Variants in OR9Q1 observed in about 807,000 individuals in gnomAD.
The protein encoded by OR9Q1 is olfactory receptor family 9 subfamily Q member 1, also known as olfactory receptor 9Q1.
For missense variants in OR9Q1, 374 were observed against 378.8 expected, an observed-to-expected ratio of 0.99 and a Z score of 0.11; for synonymous variants, 153 against 148.6, an observed-to-expected ratio of 1.03 and a Z score of -0.22.
Position 58,180,344 on chromosome 11 carries a change from G to A in OR9Q1, c.900G>A (p.Leu300=). 6.3e-7 allele frequency: 1 copy of A among 1,597,448 alleles called. No homozygotes were observed. Among genetic ancestry groups the A allele is most frequent in the Non-Finnish European group, 8.5e-7 (1 of 1,170,250 alleles). The change falls in exon 3 of 3, where the codon CTG becomes CTA. Residue 300 remains leucine (L), a synonymous_variant. Transcript: ENST00000335397. ...GGAACAAGGAAGTGAAGGAGGCCCT[G>A]AGAAAAATTCTCAATAGAGCCAAGT... ...SLRNKEVKEA[L]RKILNRAKLS
At chr11:58,090,542 T>C (rs1164157694) in intron 2 of OR9Q1, among the ~76,000 whole-genome samples, 2 of 152,190 alleles carry the variant, frequency 1.3e-5, no homozygotes, top group African/African-American at 4.8e-5. Flanking sequence ...CTGGATTTGG[T>C]TTGCCAGTAT....
intron 2 of OR9Q1, among the ~76,000 whole-genome samples, chr11:58,099,067 G>A (rs1853758869): frequency 6.6e-6 from 1 of 151,802 alleles, no homozygotes; most frequent in Admixed American, 6.6e-5. Flanking sequence ...TCAATCCTTT[G>A]TGATTTATTA....
chr11:58,059,141 A>G (rs1366267834), intron 2 of OR9Q1, among the ~76,000 whole-genome samples: 5 of 152,186 alleles, frequency 3.3e-5, no homozygotes, highest in East Asian at 1.9e-4. Flanking sequence ...GCTCAGGCCT[A>G]AGAAACCAAC....
At chr11:58,165,691 T>C (rs375924585) in intron 2 of OR9Q1, among the ~76,000 whole-genome samples, 8 of 152,310 alleles carry the variant, frequency 5.3e-5, no homozygotes, top group Admixed American at 2.6e-4. Context: ...GGACAGTAAA[T>C]GAGTATTTAT....
At position 58,101,526 on chromosome 11, in the gene OR9Q1, G is replaced by T. The variant is rs575722736; in HGVS notation, c.-15+45579G>T. Among the ~76,000 whole-genome samples the T allele has an allele frequency of 1.7e-3, 252 of 152,238 alleles. 1 individual carries two copies. Among genetic ancestry groups the T allele is most frequent in the Non-Finnish European group, 2.9e-3 (195 of 68,004 alleles). ...TGATTTGAGTTCCGTGTAGATTCTA[G>T]TTATTAGTCCTTTGTTGGATACATA... is the stretch of plus-strand genomic sequence containing the variant. On this transcript the variant is annotated intron_variant, in intron 2 of 2. Coordinates refer to ENST00000335397, the MANE Select transcript of OR9Q1 (RefSeq NM_001005212.4).
In OR9Q1 at chr11:58,048,696, T is replaced by TATATATA. The variant is rs35079058; in HGVS notation, c.-92-7174_-92-7173insATATATA. 5.5e-5 allele frequency among the ~76,000 whole-genome samples: 7 copies of TATATATA among 127,688 alleles called. No individual in the cohort carries two copies. In the South Asian group the frequency reaches 8.6e-4, roughly 16 times the overall value. 83.8% of individuals were successfully genotyped at this position (127,688 alleles called of 152,430 possible). ...AAAAAAAAAATATATATATATATAT[T>TATATATA]TTTTAGCAAGACTAATAAAAAAAGA... is the stretch of plus-strand genomic sequence containing the variant. On this transcript the variant is annotated intron_variant, in intron 1 of 2. Coordinates refer to ENST00000335397, the MANE Select transcript of OR9Q1 (RefSeq NM_001005212.4).
rs368568388 is a variant in OR9Q1 at position 58,172,818 on chromosome 11, ACAAT to A, written c.-14-6609_-14-6606del. Among the ~76,000 whole-genome samples, 39 of 152,222 alleles carry A rather than the reference ACAAT, an allele frequency of 2.6e-4. No homozygotes were observed. In the East Asian group the frequency reaches 5.4e-3, roughly 21 times the overall value. On this transcript the variant is annotated intron_variant, in intron 2 of 2. Coordinates refer to ENST00000335397, the MANE Select transcript of OR9Q1 (RefSeq NM_001005212.4). ...CAGCCATTTATTCTTTGTGTTACAA[ACAAT>A]CAAAGTATACTGTTTTAATTATTTT...
chr11:58,118,941 G>A, intron 2 of OR9Q1: 1 of 1,614,032 alleles, frequency 6.2e-7, no homozygotes, highest in Non-Finnish European at 8.5e-7. Context: ...TGTCCTTACA[G>A]AAGGAGAGGG....
At chr11:58,048,650 T>C (rs1178318307) in intron 1 of OR9Q1, among the ~76,000 whole-genome samples, 1 of 143,858 alleles carries the variant, frequency 7.0e-6, no homozygotes, top group Non-Finnish European at 1.5e-5. Flanking sequence ...GCCTGGGCAA[T>C]AGAGCAAGGA....
At position 58,170,292 on chromosome 11, in the gene OR9Q1, G is replaced by A. The variant is rs373860296; in HGVS notation, c.-14-9139G>A. Reference sequence around the variant, plus strand: ...CAGGCAACATCTACAATCTAACTGCGATATCCTCTGAACTCCTCTCCAGCC... The same window carrying A: ...CAGGCAACATCTACAATCTAACTGCAATATCCTCTGAACTCCTCTCCAGCC... On this transcript the variant is annotated intron_variant, in intron 2 of 2. Transcript: ENST00000335397. Among the ~76,000 whole-genome samples the A allele has an allele frequency of 7.2e-5, 11 of 151,882 alleles. No individual in the cohort carries two copies. The South Asian group carries it at 1.3e-3, about 17-fold the overall frequency.
In OR9Q1 at chr11:58,180,462, T is replaced by C. The variant is rs1854654004; in HGVS notation, c.*85T>C. On this transcript the variant is annotated 3_prime_UTR_variant, in exon 3 of 3. Coordinates refer to ENST00000335397, the MANE Select transcript of OR9Q1 (RefSeq NM_001005212.4). ...CGCTCATTATTTATAGCATGCTCAA[T>C]GTTTAAATGAATATATTATGGTACT... 2.5e-6 allele frequency: 2 copies of C among 787,276 alleles called. No individual in the cohort carries two copies. The highest frequency in any genetic ancestry group is 4.0e-6 in the Non-Finnish European group (2 of 494,874). 48.8% of individuals were successfully genotyped at this position (787,276 alleles called of 1,614,324 possible).
intron 2 of OR9Q1, among the ~76,000 whole-genome samples, chr11:58,081,872 G>A (rs1036235711): frequency 3.3e-5 from 5 of 149,434 alleles, no homozygotes; most frequent in African/African-American, 7.4e-5. Flanking sequence ...ATTTACATTG[G>A]CTTTCTTAAG....
chr11:58,115,961 C>G (rs935682706), intron 2 of OR9Q1, among the ~76,000 whole-genome samples: 1 of 152,114 alleles, frequency 6.6e-6, no homozygotes, highest in Non-Finnish European at 1.5e-5. Context: ...TGATTTAAAG[C>G]TTTGTCATAT....
In OR9Q1 at chr11:58,176,817, G is replaced by T. The variant is rs553965472; in HGVS notation, c.-14-2614G>T. On this transcript the variant is annotated intron_variant, in intron 2 of 2. Coordinates refer to ENST00000335397, the MANE Select transcript of OR9Q1 (RefSeq NM_001005212.4). ...GCATTATAACTGAGCAAGTCTGGGA[G>T]GGCAACAAGAACCACCCAGACTTCC... Among the ~76,000 whole-genome samples the T allele has an allele frequency of 5.3e-5, 8 of 152,174 alleles. No individual in the cohort carries two copies. The East Asian group carries it at 9.7e-4, about 18-fold the overall frequency.
chr11:58,161,185 A>AT (rs1367158230), intron 2 of OR9Q1, among the ~76,000 whole-genome samples: 7 of 151,768 alleles, frequency 4.6e-5, no homozygotes, highest in Non-Finnish European at 1.0e-4. Context: ...TGGCACATGT[A>AT]TACCTATGTA....
chr11:58,123,025 A>G (rs1245020251), intron 2 of OR9Q1, among the ~76,000 whole-genome samples: 1 of 152,010 alleles, frequency 6.6e-6, no homozygotes, highest in African/African-American at 2.4e-5. Flanking sequence ...TTACTTATCA[A>G]TTCTACTAGA....
intron 2 of OR9Q1, among the ~76,000 whole-genome samples, chr11:58,058,320 G>A (rs1412681108): frequency 6.6e-6 from 1 of 152,198 alleles, no homozygotes; most frequent in African/African-American, 2.4e-5. Context: ...CTCCAGCCCT[G>A]TGCGATGCCA....
chr11:58,120,990 T>C (rs1854026609), intron 2 of OR9Q1, among the ~76,000 whole-genome samples: 2 of 152,048 alleles, frequency 1.3e-5, no homozygotes, highest in African/African-American at 4.8e-5. Context: ...AAGTCTTCTC[T>C]ATATTTTGAC....
chr11:58,132,751 G>T (rs553059234), intron 2 of OR9Q1, among the ~76,000 whole-genome samples: 24 of 152,296 alleles, frequency 1.6e-4, no homozygotes, highest in Middle Eastern at 6.8e-3. Flanking sequence ...CAAGATGAAG[G>T]TTGAGTGAGG....
Sources: allele counts gnomAD v4.1 joint callset (sites outside exome capture counted in the v4.1 genomes callset), GRCh38; gene constraint gnomAD v4.1.1; transcripts MANE v1.5; gene names NCBI Gene and HGNC (gene_info 2026-07-23, HGNC 2026-07-21).